The following PODXL variants were observed in gnomAD, a reference collection of about 807,000 sequenced individuals.
PODXL encodes podocalyxin.
Under a neutral mutation model 48.9 loss-of-function variants are expected in PODXL, and 20 were observed. The ratio of observed to expected loss-of-function variants is 0.41; its 90% confidence interval spans 0.29 to 0.59. The LOEUF is 0.59. Ranked by LOEUF, PODXL falls within the 20% of genes least tolerant of loss-of-function variation. The pLI, the probability that PODXL is intolerant of heterozygous loss-of-function variation, is 0.31. For missense variants in PODXL, 606 were observed against 675.1 expected, an observed-to-expected ratio of 0.90 and a Z score of 1.13; for synonymous variants, 295 against 287.4, an observed-to-expected ratio of 1.03 and a Z score of -0.27.
intron 4 of PODXL, 138 bp from the exon 5 acceptor site, chr7:131,509,166 G>T (rs1797865110): frequency 1.1e-6 from 1 of 882,088 alleles, no homozygotes; most frequent in Non-Finnish European, 1.9e-6. Context: ...CCAGAGCCAG[G>T]TATGTCCTGG....
intron 1 of PODXL, among the ~76,000 whole-genome samples, chr7:131,555,190 T>G (rs1180584330): frequency 6.6e-6 from 1 of 152,072 alleles, no homozygotes; most frequent in Non-Finnish European, 1.5e-5. Flanking sequence ...CACAGCAGAA[T>G]CCCTACCCTG....
At chr7:131,554,231 T>C (rs1365407433) in intron 1 of PODXL, among the ~76,000 whole-genome samples, 2 of 152,098 alleles carry the variant, frequency 1.3e-5, no homozygotes, top group Non-Finnish European at 2.9e-5. Flanking sequence ...GAATGCACCA[T>C]AGCTACTGAA....
At chr7:131,551,406 C>T (rs1229817017) in intron 1 of PODXL, among the ~76,000 whole-genome samples, 1 of 152,200 alleles carries the variant, frequency 6.6e-6, no homozygotes, top group Non-Finnish European at 1.5e-5. Flanking sequence ...GTGAAAGTGT[C>T]CAGGCAGGCT....
At chr7:131,554,730 C>T (rs1402646590) in intron 1 of PODXL, among the ~76,000 whole-genome samples, 2 of 152,178 alleles carry the variant, frequency 1.3e-5, no homozygotes, top group Non-Finnish European at 2.9e-5. Flanking sequence ...CTCAGAAGCA[C>T]TAGGGACTAA....
intron 1 of PODXL, among the ~76,000 whole-genome samples, chr7:131,534,425 C>G (rs1203632531): frequency 6.6e-6 from 1 of 152,240 alleles, no homozygotes; most frequent in Non-Finnish European, 1.5e-5. Flanking sequence ...TGACCCCGCA[C>G]CCCATCCTGG....
chr7:131,545,238 C>T (rs777957399), intron 1 of PODXL, among the ~76,000 whole-genome samples: 16 of 152,352 alleles, frequency 1.1e-4, no homozygotes, highest in Admixed American at 3.3e-4. Flanking sequence ...TGAGGGGCCA[C>T]CAGCCTGGAA....
intron 1 of PODXL, among the ~76,000 whole-genome samples, chr7:131,547,704 G>A (rs57450990): frequency 0.055 from 8,442 of 152,220 alleles, 523 homozygotes; most frequent in South Asian, 0.18. Flanking sequence ...GTAGGCCTTC[G>A]TGAAGAGGAT....
intron 1 of PODXL, among the ~76,000 whole-genome samples, chr7:131,525,677 T>C (rs188056652): frequency 1.6e-3 from 250 of 151,852 alleles, no homozygotes; most frequent in African/African-American, 5.9e-3. Flanking sequence ...CTGGGAAAGT[T>C]TTTTTTTAAA....
chr7:131,513,441 T>C (rs1373907860), intron 1 of PODXL, among the ~76,000 whole-genome samples: 1 of 152,234 alleles, frequency 6.6e-6, no homozygotes, highest in African/African-American at 2.4e-5. Flanking sequence ...CATCCCGTAC[T>C]CTGTGCCAGC....
chr7:131,540,835 TC>T lies in PODXL; in HGVS notation c.100+15424del. ...ACAAGGGCCCCGAGCCAGAGGGAAG[TC>T]CCGCATGCATGGCTGTGGGATAGTC... is the stretch of plus-strand genomic sequence containing the variant. On this transcript the variant is annotated intron_variant, in intron 1 of 8. Transcript: ENST00000378555. 2.0e-5 allele frequency among the ~76,000 whole-genome samples: 3 copies of T among 152,204 alleles called. No individual in the cohort carries two copies. The Middle Eastern group carries it at 0.01, about 518-fold the overall frequency.
chr7:131,543,418 G>A (rs1184761460), intron 1 of PODXL, among the ~76,000 whole-genome samples: 3 of 152,104 alleles, frequency 2.0e-5, no homozygotes, highest in African/African-American at 7.2e-5. Flanking sequence ...GAACCACAGT[G>A]CCAGGCCATC....
At chr7:131,555,006 G>A (rs972131602) in intron 1 of PODXL, among the ~76,000 whole-genome samples, 11 of 152,118 alleles carry the variant, frequency 7.2e-5, no homozygotes, top group Admixed American at 5.9e-4. Flanking sequence ...TCCCTTTCTA[G>A]TCAGGCTGGT....
chr7:131,517,748 CT>C (rs71529710), intron 1 of PODXL, among the ~76,000 whole-genome samples: 30,670 of 146,500 alleles, frequency 0.21, 3,632 homozygotes, highest in Admixed American at 0.35. Flanking sequence ...TTGCGTAACT[CT>C]TTTTTTTTTT....
chr7:131,506,670 G>A lies in PODXL; in HGVS notation c.1158C>T (p.Ala386=). The A allele has an allele frequency of 6.2e-7, 1 of 1,614,208 alleles. No individual in the cohort carries two copies. The highest frequency in any genetic ancestry group is 8.5e-7 in the Non-Finnish European group (1 of 1,180,020). ...LISLICRAVK[A]TFNPAQDKCG... ...ACTTATCTTGGGCCGGGTTGAAGGT[G>A]GCTTTGACTGCTCGGCATATCAGTG... Residue 386 remains alanine, a synonymous_variant, in exon 6 of 9, where the codon GCC becomes GCT. Coordinates refer to ENST00000378555, the MANE Select transcript of PODXL (RefSeq NM_001018111.3).
At chr7:131,555,393 C>G (rs77960790) in intron 1 of PODXL, among the ~76,000 whole-genome samples, 149 of 152,286 alleles carry the variant, frequency 9.8e-4, no homozygotes, top group African/African-American at 3.2e-3. Context: ...GCCTGTCCCC[C>G]AAAAGGGAAA....
chr7:131,536,664 T>A (rs1562914647), intron 1 of PODXL, among the ~76,000 whole-genome samples: 1 of 152,104 alleles, frequency 6.6e-6, no homozygotes, highest in Non-Finnish European at 1.5e-5. Context: ...CCCCTCCCCC[T>A]GGGAGGCTCA....
intron 1 of PODXL, among the ~76,000 whole-genome samples, chr7:131,518,352 T>C (rs1798035599): frequency 6.6e-6 from 1 of 152,138 alleles, no homozygotes; most frequent in Non-Finnish European, 1.5e-5. Flanking sequence ...ATAAAATACT[T>C]GAGGTGGCTA....
chr7:131,533,984 A>G (rs1798325933), intron 1 of PODXL, among the ~76,000 whole-genome samples: 1 of 152,178 alleles, frequency 6.6e-6, no homozygotes, highest in Middle Eastern at 3.2e-3. Context: ...GTGCACATAG[A>G]AAGTGCCCGA....
intron 8 of PODXL, among the ~76,000 whole-genome samples, chr7:131,504,859 C>T (rs2116774740): frequency 6.6e-6 from 1 of 152,312 alleles, no homozygotes; most frequent in East Asian, 1.9e-4. Flanking sequence ...ATGGGAAAAA[C>T]ACTATTAAAA....
Sources: gnomAD v4.1 joint callset for allele counts (sites outside exome capture counted in the v4.1 genomes callset) on GRCh38, gnomAD v4.1.1 for gene constraint, MANE v1.5 for transcripts, NCBI Gene and HGNC (gene_info 2026-07-23, HGNC 2026-07-21) for gene names.